Variants in FTCDNL1 observed in about 807,000 individuals in gnomAD.
FTCDNL1 encodes the protein formiminotransferase cyclodeaminase N-terminal like.
In FTCDNL1, 11 loss-of-function variants were observed where a neutral mutation model predicts 5.9. The observed-to-expected ratio is 1.87, with a 90% CI of 1.18 to 3.10. FTCDNL1 has a LOEUF of 3.10. Ranked by LOEUF, FTCDNL1 falls within the 30% of genes most tolerant of loss-of-function variation. The probability of loss-of-function intolerance (pLI) is 0.00; values close to 1 mark genes in which losing one functional copy is unlikely to be tolerated. For missense variants in FTCDNL1, 115 were observed against 65.5 expected, an observed-to-expected ratio of 1.76 and a Z score of -2.61; for synonymous variants, 58 against 24.8, an observed-to-expected ratio of 2.34 and a Z score of -3.99.
At chr2:199,719,372 G>A in the FTCDNL1 span, among the ~76,000 whole-genome samples, 1 of 151,878 alleles carries the variant, frequency 6.6e-6, no homozygotes, top group Non-Finnish European at 1.5e-5. Context: ...TTATTTTCGG[G>A]TTCCTATTTA....
chr2:199,792,680 C>A (rs926907435), intron 3 of FTCDNL1, among the ~76,000 whole-genome samples: 1 of 152,160 alleles, frequency 6.6e-6, no homozygotes, highest in African/African-American at 2.4e-5. Context: ...GCAAACCTGA[C>A]AGCATTTCCC....
At chr2:199,766,736 T>G (rs1263196215) in intron 3 of FTCDNL1, among the ~76,000 whole-genome samples, 1 of 152,192 alleles carries the variant, frequency 6.6e-6, no homozygotes, top group Non-Finnish European at 1.5e-5. Flanking sequence ...ATGATGTGAC[T>G]GCTATGTATG....
the FTCDNL1 span, among the ~76,000 whole-genome samples, chr2:199,712,493 G>A: frequency 6.6e-6 from 1 of 152,114 alleles, no homozygotes; most frequent in Non-Finnish European, 1.5e-5. Flanking sequence ...AAAATGGCTA[G>A]CAAACTATAA....
the FTCDNL1 span, among the ~76,000 whole-genome samples, chr2:199,751,568 T>C: frequency 1.3e-5 from 2 of 152,024 alleles, no homozygotes; most frequent in Non-Finnish European, 2.9e-5. Flanking sequence ...GCCGTCTTTG[T>C]TAAAGGCAGA....
chr2:199,747,003 T>C, the FTCDNL1 span, among the ~76,000 whole-genome samples: 1 of 149,560 alleles, frequency 6.7e-6, no homozygotes, highest in Non-Finnish European at 1.5e-5. Flanking sequence ...AATATCCTGT[T>C]TCAGAGAAGA....
chr2:199,805,077 G>A (rs1700654872), downstream of FTCDNL1, among the ~76,000 whole-genome samples: 1 of 152,112 alleles, frequency 6.6e-6, no homozygotes, highest in African/African-American at 2.4e-5. Flanking sequence ...GACAAGTGTT[G>A]GGGGGTGGGG....
chr2:199,766,772 T>C (rs1238464937), intron 3 of FTCDNL1, among the ~76,000 whole-genome samples: 1 of 152,202 alleles, frequency 6.6e-6, no homozygotes, highest in Non-Finnish European at 1.5e-5. Context: ...GTACTCTCTA[T>C]TGATCAATAA....
At chr2:199,836,195 C>T (rs959847416) in intron 3 of FTCDNL1, among the ~76,000 whole-genome samples, 1 of 152,068 alleles carries the variant, frequency 6.6e-6, no homozygotes, top group Non-Finnish European at 1.5e-5. Context: ...GATAGGGTCT[C>T]GCTCTGTTGC....
At chr2:199,702,777 A>C in the FTCDNL1 span, among the ~76,000 whole-genome samples, 1 of 152,210 alleles carries the variant, frequency 6.6e-6, no homozygotes, top group Non-Finnish European at 1.5e-5. Flanking sequence ...CAGGCAATAG[A>C]ACATAGCCAG....
the FTCDNL1 span, among the ~76,000 whole-genome samples, chr2:199,726,940 G>T: frequency 6.6e-6 from 1 of 152,216 alleles, no homozygotes; most frequent in Non-Finnish European, 1.5e-5. Context: ...CTTGACAGAT[G>T]GGATGCACTG....
intron 3 of FTCDNL1, among the ~76,000 whole-genome samples, chr2:199,769,992 A>G (rs1026754765): frequency 3.3e-5 from 5 of 151,986 alleles, no homozygotes; most frequent in Admixed American, 1.3e-4. Context: ...ATTTTCGTTC[A>G]AATCTCATCC....
chr2:199,839,312 T>G (rs138795474), intron 3 of FTCDNL1, among the ~76,000 whole-genome samples: 1 of 152,270 alleles, frequency 6.6e-6, no homozygotes, highest in African/African-American at 2.4e-5. Flanking sequence ...AAGGAACATT[T>G]ACAGAGTAAA....
At chr2:199,743,153 T>C in the FTCDNL1 span, among the ~76,000 whole-genome samples, 4 of 152,280 alleles carry the variant, frequency 2.6e-5, no homozygotes, top group East Asian at 1.9e-4. Context: ...ATAACCACCA[T>C]GATCACCTCA....
At chr2:199,712,183 A>G in the FTCDNL1 span, among the ~76,000 whole-genome samples, 1 of 152,242 alleles carries the variant, frequency 6.6e-6, no homozygotes, top group Non-Finnish European at 1.5e-5. Context: ...CTTCAGGGAT[A>G]TAAGAACAAA....
the FTCDNL1 span, among the ~76,000 whole-genome samples, chr2:199,694,771 C>T: frequency 6.6e-6 from 1 of 152,144 alleles, no homozygotes; most frequent in Non-Finnish European, 1.5e-5. Flanking sequence ...GAGGTTGAGG[C>T]TGCAGTGAGC....
At chr2:199,828,188 A>G (rs1467783794) in intron 3 of FTCDNL1, among the ~76,000 whole-genome samples, 1 of 152,200 alleles carries the variant, frequency 6.6e-6, no homozygotes, top group Non-Finnish European at 1.5e-5. Flanking sequence ...TTAGTCAGAG[A>G]ATTACTTACT....
the FTCDNL1 span, among the ~76,000 whole-genome samples, chr2:199,730,816 C>T: frequency 6.6e-6 from 1 of 152,166 alleles, no homozygotes; most frequent in Non-Finnish European, 1.5e-5. Flanking sequence ...CCAGGAATAC[C>T]ATTTGACCCA....
the FTCDNL1 span, among the ~76,000 whole-genome samples, chr2:199,715,222 ATATATATATGC>A: frequency 1.3e-5 from 2 of 152,102 alleles, no homozygotes; most frequent in African/African-American, 4.8e-5. Flanking sequence ...ATTTTGTCTT[ATATATATATGC>A]TATATATATG....
At chr2:199,694,322 A>C in the FTCDNL1 span, among the ~76,000 whole-genome samples, 1 of 152,166 alleles carries the variant, frequency 6.6e-6, no homozygotes, top group Admixed American at 6.5e-5. Context: ...ACAAGTGCAG[A>C]TATTTCAGAT....
Sources: allele counts gnomAD v4.1 joint callset (sites outside exome capture counted in the v4.1 genomes callset), GRCh38; gene constraint gnomAD v4.1.1; transcripts MANE v1.5; gene names NCBI Gene and HGNC (gene_info 2026-07-23, HGNC 2026-07-21).